Variants in CD8B observed in about 807,000 individuals in gnomAD.
CD8B encodes the protein CD8 subunit beta, also known as T-cell surface glycoprotein CD8 beta chain.
CD8B carries 6 observed loss-of-function variants against 24.2 expected under a neutral mutation model. The ratio of observed to expected loss-of-function variants is 0.25; its 90% CI spans 0.14 to 0.49. The LOEUF is 0.49. Ranked by LOEUF, CD8B falls within the 20% of genes least tolerant of loss-of-function variation. The pLI is 0.98. For missense variants in CD8B, 196 were observed against 271.3 expected (o/e 0.72, Z 1.95); for synonymous variants, 84 against 108.3 (o/e 0.78, Z 1.39).
chr2:86,825,700 C>A (rs530179173), intron 5 of CD8B, among the ~76,000 whole-genome samples: 6 of 152,168 alleles, frequency 3.9e-5, no homozygotes, highest in African/African-American at 1.4e-4. Flanking sequence ...CTGCATGCAG[C>A]GGCAACATGA....
downstream of CD8B, among the ~76,000 whole-genome samples, chr2:86,837,106 A>G (rs959818047): frequency 2.0e-5 from 3 of 152,250 alleles, no homozygotes; most frequent in African/African-American, 7.2e-5. Context: ...GCAGTGAGCT[A>G]TAAGTGCGCC....
chr2:86,831,165 G>T (rs570022032), intron 5 of CD8B, among the ~76,000 whole-genome samples: 1 of 152,250 alleles, frequency 6.6e-6, no homozygotes, highest in African/African-American at 2.4e-5. Flanking sequence ...CACCTCTTGG[G>T]TTCAAGAGAT....
chr2:86,858,426 G>C lies in CD8B; in HGVS notation c.44-10C>G. ...GAGTTGCCATGGAGAACTAGGAAAA[G>C]CCAAGAACAGAGACATCACACATTT... is the stretch of plus-strand genomic sequence containing the variant. On this transcript the variant is annotated splice_polypyrimidine_tract_variant and intron_variant, in intron 1 of 5. Transcript: ENST00000390655. The C allele has an allele frequency of 6.4e-7, 1 of 1,572,110 alleles. No individual in the cohort carries two copies. Among genetic ancestry groups the C allele is most frequent in the Non-Finnish European group, 8.6e-7 (1 of 1,156,132 alleles).
intron 5 of CD8B, among the ~76,000 whole-genome samples, chr2:86,832,616 A>G (rs927442846): frequency 6.6e-6 from 1 of 151,916 alleles, no homozygotes; most frequent in African/African-American, 2.4e-5. Context: ...CCACTATGAT[A>G]CCCACTTTTC....
At chr2:86,843,210 A>G (rs1220209081) in intron 5 of CD8B, among the ~76,000 whole-genome samples, 1 of 152,108 alleles carries the variant, frequency 6.6e-6, no homozygotes, top group Non-Finnish European at 1.5e-5. Flanking sequence ...CTCTTACCTC[A>G]GCCTCTCGAG....
chr2:86,821,529 C>G (rs1334601803), intron 5 of CD8B, among the ~76,000 whole-genome samples: 2 of 152,158 alleles, frequency 1.3e-5, no homozygotes, highest in Admixed American at 6.5e-5. Flanking sequence ...TAAGATCACA[C>G]TGGGGCTCCT....
chr2:86,817,694 G>A (rs1376515427), intron 5 of CD8B, among the ~76,000 whole-genome samples: 16 of 152,164 alleles, frequency 1.1e-4, no homozygotes, highest in Admixed American at 9.8e-4. Flanking sequence ...TATGGAGGAT[G>A]GAATAGGGGT....
downstream of CD8B, among the ~76,000 whole-genome samples, chr2:86,835,972 C>T (rs567534129): frequency 1.7e-3 from 260 of 152,092 alleles, 1 homozygote; most frequent in African/African-American, 5.8e-3. Flanking sequence ...TTAGGGACAT[C>T]TTCTGAGCCA....
downstream of CD8B, among the ~76,000 whole-genome samples, chr2:86,835,101 G>A (rs1219563536): frequency 2.0e-5 from 3 of 152,216 alleles, no homozygotes; most frequent in Non-Finnish European, 4.4e-5. Context: ...TGTGCTGGGT[G>A]GGGCTGGCGG....
At chr2:86,855,157 G>A (rs1242064898) in intron 2 of CD8B, among the ~76,000 whole-genome samples, 1 of 152,058 alleles carries the variant, frequency 6.6e-6, no homozygotes, top group Non-Finnish European at 1.5e-5. Context: ...GGGGGAACAG[G>A]CAGGGGAAGC....
At chr2:86,833,701 G>T (rs1675048300), downstream of CD8B, among the ~76,000 whole-genome samples, 1 of 130,456 alleles carries the variant, frequency 7.7e-6, no homozygotes, top group Non-Finnish European at 1.6e-5. Context: ...TTGCTCTGTT[G>T]CCCTGGCTGG....
At chr2:86,861,784 A>G (rs1676612027) in intron 1 of CD8B, 39 bp downstream of exon 1, 18 of 1,249,954 alleles carry the variant, frequency 1.4e-5, no homozygotes, top group Middle Eastern at 6.1e-4. Context: ...AGGCCCCGGG[A>G]GCGCAGACCC....
At chr2:86,831,727 C>T (rs78750285) in intron 5 of CD8B, among the ~76,000 whole-genome samples, 1,697 of 152,266 alleles carry the variant, frequency 0.011, 37 homozygotes, top group African/African-American at 0.039. Context: ...TGAAGCTCCC[C>T]TGCCCCAGGG....
intron 1 of CD8B, among the ~76,000 whole-genome samples, chr2:86,860,464 T>C (rs1259011411): frequency 6.6e-6 from 1 of 152,130 alleles, no homozygotes; most frequent in Admixed American, 6.6e-5. Context: ...AATGCCAGTT[T>C]ATTGAGCTGT....
chr2:86,831,346 C>G (rs867148505), intron 5 of CD8B, among the ~76,000 whole-genome samples: 1 of 152,224 alleles, frequency 6.6e-6, no homozygotes, highest in Non-Finnish European at 1.5e-5. Context: ...GGATTACAGG[C>G]ATGAGCCACC....
chr2:86,833,417 T>A (rs1223167168), downstream of CD8B, among the ~76,000 whole-genome samples: 1 of 149,996 alleles, frequency 6.7e-6, no homozygotes, highest in Non-Finnish European at 1.5e-5. Flanking sequence ...TGACCTCAGG[T>A]GATGGCCCAC....
At chr2:86,844,147 ACC>A (rs1675560322) in intron 5 of CD8B, among the ~76,000 whole-genome samples, 1 of 152,028 alleles carries the variant, frequency 6.6e-6, no homozygotes, top group Non-Finnish European at 1.5e-5. Context: ...TCACTGCCCT[ACC>A]AGGGCAAAGC....
At position 86,842,095 on chromosome 2, in the gene CD8B, G is replaced by T; in HGVS notation, c.*212C>A. ...CTCTGTGAAGTGCCCTGGGGGCAATGAAACCTTCTCCCTAGTATTCCCGAT... is the reference window on the plus strand; with the variant it reads ...CTCTGTGAAGTGCCCTGGGGGCAATTAAACCTTCTCCCTAGTATTCCCGAT... On this transcript the variant is annotated 3_prime_UTR_variant, in exon 6 of 6. Transcript: ENST00000390655. The T allele has an allele frequency of 7.4e-7, 1 of 1,355,804 alleles. No individual in the cohort carries two copies. The highest frequency in any genetic ancestry group is 9.5e-7 in the Non-Finnish European group (1 of 1,049,992). The allele number at this position is 1,355,804 out of a possible 1,614,324, so 84.0% of individuals were successfully genotyped here. A position where few individuals can be genotyped will look rare whatever the true frequency, so the allele number is the denominator to read the frequency against.
rs530132393 is a variant in CD8B at position 86,839,555 on chromosome 2, C to T, written c.*2752G>A. ...AGGTGCTGGGTGCAGACCTTCTCAC[C>T]GCAGCCCCCACCATTGGCAGCCCAG... On this transcript the variant is annotated 3_prime_UTR_variant, in exon 6 of 6. Coordinates refer to ENST00000390655, the MANE Select transcript of CD8B (RefSeq NM_004931.5). 5.8e-4 allele frequency among the ~76,000 whole-genome samples: 88 copies of T among 152,302 alleles called. No individual in the cohort carries two copies. Among genetic ancestry groups the T allele is most frequent in the African/African-American group, 2.0e-3 (84 of 41,552 alleles).
Sources: allele counts gnomAD v4.1 joint callset (sites outside exome capture counted in the v4.1 genomes callset), GRCh38; gene constraint gnomAD v4.1.1; transcripts MANE v1.5; gene names NCBI Gene and HGNC (gene_info 2026-07-23, HGNC 2026-07-21).